The following RNF103 variants were observed in gnomAD, a reference collection of about 807,000 sequenced individuals.
RNF103 encodes ring finger protein 103, also known as E3 ubiquitin-protein ligase RNF103.
In RNF103, 23 loss-of-function variants were observed where a neutral mutation model predicts 66.2. That is an observed-to-expected ratio of 0.35 (90% CI 0.25 to 0.49). The LOEUF (loss-of-function observed/expected upper bound fraction) is 0.49, where lower values mean the gene tolerates loss of function less well. RNF103 is among the 20% of genes least tolerant of loss of function. The pLI is 0.98. For synonymous variants in RNF103, 297 were observed against 289.9 expected (o/e 1.02, Z -0.25); for missense variants, 730 against 814.7 (o/e 0.90, Z 1.27).
chr2:86,623,614 CG>C lies in RNF103; in HGVS notation c.-729del. The stretch of plus-strand genomic sequence containing the variant: ...TCTCAGGCGGGCGGGCACTGCGGCC[CG>C]GCCCAGGATGGGGCGTCGCGGTCTC... On this transcript the variant is annotated 5_prime_UTR_variant, in exon 1 of 4. Coordinates refer to ENST00000237455, the MANE Select transcript of RNF103 (RefSeq NM_005667.4). 9.6e-7 allele frequency: 1 copy of C among 1,046,156 alleles called. No individual in the cohort carries two copies. Among genetic ancestry groups the C allele is most frequent in the Non-Finnish European group, 1.2e-6 (1 of 863,040 alleles). 64.8% of individuals were successfully genotyped at this position (1,046,156 alleles called of 1,614,324 possible).
intron 3 of RNF103, among the ~76,000 whole-genome samples, chr2:86,611,557 A>AAAAAACAAAACATAAAC (rs1678793263): frequency 1.3e-5 from 2 of 152,216 alleles, no homozygotes; most frequent in South Asian, 4.1e-4. Flanking sequence ...AATGATGACA[A>AAAAAACAAAACATAAAC]AAAAACAAAA....
intron 2 of RNF103, 126 bp from the exon 3 acceptor site, chr2:86,612,400 A>G: frequency 1.7e-6 from 1 of 605,416 alleles, no homozygotes; most frequent in South Asian, 2.1e-5. Flanking sequence ...TGTTTACTGT[A>G]TCATCACATT....
intron 3 of RNF103, among the ~76,000 whole-genome samples, chr2:86,606,662 CAAAAAAAAAAA>C (rs200897796): frequency 3.1e-5 from 3 of 97,420 alleles, no homozygotes; most frequent in Admixed American, 2.2e-4. Context: ...AACTTCGTCT[CAAAAAAAAAAA>C]AAAAAAAAAA....
chr2:86,620,338 G>C lies in RNF103; in HGVS notation c.358C>G (p.Leu120Val). The C allele has an allele frequency of 6.2e-7, 1 of 1,601,678 alleles. No homozygotes were observed. The highest frequency in any genetic ancestry group is 8.5e-7 in the Non-Finnish European group (1 of 1,171,472). ...ATTACTGCTTTTCATACCTGAACCAGCCAGATGCCATCTTTTGTGTCTTCC... is the reference window on the plus strand; with the variant it reads ...ATTACTGCTTTTCATACCTGAACCACCCAGATGCCATCTTTTGTGTCTTCC... ...LVEDTKDGIW[L>V]VQVIANDRSP... Residue 120 changes from leucine (L) to valine (V), a missense_variant, in exon 2 of 4, where the codon CTG becomes GTG. Physicochemically the swap from Leu to Val is conservative, Grantham distance 32. Coordinates refer to ENST00000237455, the MANE Select transcript of RNF103 (RefSeq NM_005667.4).
chr2:86,621,214 T>TG (rs887170233), intron 1 of RNF103, among the ~76,000 whole-genome samples: 11 of 152,348 alleles, frequency 7.2e-5, no homozygotes, highest in African/African-American at 2.4e-4. Flanking sequence ...TGAGTCATAC[T>TG]GGGCTGTGCG....
At chr2:86,619,040 G>A (rs1253748483) in intron 2 of RNF103, among the ~76,000 whole-genome samples, 5 of 152,138 alleles carry the variant, frequency 3.3e-5, no homozygotes, top group African/African-American at 1.2e-4. Context: ...GAAAGGCCAT[G>A]GATGAACAAT....
At chr2:86,621,888 C>T (rs1679242395) in intron 1 of RNF103, among the ~76,000 whole-genome samples, 1 of 152,080 alleles carries the variant, frequency 6.6e-6, no homozygotes, top group Non-Finnish European at 1.5e-5. Context: ...CTACCAAAAC[C>T]AACAATTACT....
chr2:86,620,312 T>A lies in RNF103; in HGVS notation c.366+18A>T. Reference sequence around the variant, plus strand: ...TTTTAGGGCTCTCGAATTATCAAATTATTACTGCTTTTCATACCTGAACCA... The same window carrying A: ...TTTTAGGGCTCTCGAATTATCAAATAATTACTGCTTTTCATACCTGAACCA... On this transcript the variant is annotated intron_variant, in intron 2 of 3. Transcript: ENST00000237455. The A allele has an allele frequency of 6.3e-7, 1 of 1,579,000 alleles. No individual in the cohort carries two copies. Among genetic ancestry groups the A allele is most frequent in the Non-Finnish European group, 8.6e-7 (1 of 1,157,406 alleles).
At chr2:86,607,194 A>C (rs911646105) in intron 3 of RNF103, among the ~76,000 whole-genome samples, 1 of 152,252 alleles carries the variant, frequency 6.6e-6, no homozygotes, top group Non-Finnish European at 1.5e-5. Flanking sequence ...GCATAGTAAT[A>C]AATATCTGAC....
At chr2:86,607,973 T>C (rs146003950) in intron 3 of RNF103, among the ~76,000 whole-genome samples, 1 of 152,220 alleles carries the variant, frequency 6.6e-6, no homozygotes, top group Non-Finnish European at 1.5e-5. Context: ...TCATTCCAGA[T>C]AGAATAAGGT....
intron 3 of RNF103, among the ~76,000 whole-genome samples, chr2:86,610,329 T>C (rs1337929288): frequency 2.0e-5 from 3 of 152,236 alleles, no homozygotes; most frequent in Non-Finnish European, 4.4e-5. Context: ...AGCTTGTATG[T>C]ATCTCTTCAC....
At chr2:86,622,628 T>G (rs1573373598) in intron 1 of RNF103, 33 bp downstream of exon 1, 1 of 1,597,648 alleles carries the variant, frequency 6.3e-7, no homozygotes, top group South Asian at 1.1e-5. Flanking sequence ...CTCTCCCAGG[T>G]GGAGGGGACC....
chr2:86,617,498 A>G (rs1432106955), intron 2 of RNF103: 1 of 446,312 alleles, frequency 2.2e-6, no homozygotes, highest in Non-Finnish European at 3.0e-6. Context: ...CCTAACTTAC[A>G]CATTAAACTT....
intron 2 of RNF103, among the ~76,000 whole-genome samples, chr2:86,619,370 A>G (rs1679139810): frequency 6.6e-6 from 1 of 152,202 alleles, no homozygotes; most frequent in African/African-American, 2.4e-5. Flanking sequence ...AAATGATAAG[A>G]GTACCAGTCA....
At chr2:86,616,049 A>G (rs913257061) in intron 2 of RNF103, among the ~76,000 whole-genome samples, 6 of 152,236 alleles carry the variant, frequency 3.9e-5, no homozygotes, top group Non-Finnish European at 4.4e-5. Flanking sequence ...ACCTGTACCA[A>G]GATGTTTTCT....
At chr2:86,612,124 G>A (rs373937125) in intron 3 of RNF103, 35 bp downstream of exon 3, 1 of 1,371,752 alleles carries the variant, frequency 7.3e-7, no homozygotes, top group African/African-American at 1.4e-5. Flanking sequence ...ATCCTGGTCA[G>A]GACTCAAATT....
intron 2 of RNF103, chr2:86,616,942 A>G (rs554818252): frequency 1.0e-4 from 101 of 985,320 alleles, no homozygotes; most frequent in Non-Finnish European, 1.2e-4. Flanking sequence ...AAAAGTAACC[A>G]TCTTCTATTT....
intron 2 of RNF103, among the ~76,000 whole-genome samples, chr2:86,616,249 G>T (rs1457832369): frequency 6.6e-6 from 1 of 152,112 alleles, no homozygotes; most frequent in Non-Finnish European, 1.5e-5. Context: ...ACGACATCCA[G>T]GTTTAGTTAA....
At chr2:86,609,452 T>C (rs1359869021) in intron 3 of RNF103, among the ~76,000 whole-genome samples, 3 of 148,198 alleles carry the variant, frequency 2.0e-5, no homozygotes, top group Non-Finnish European at 4.4e-5. Flanking sequence ...AGTGGTGCAA[T>C]CTCGGCTCAC....
Sources: allele counts gnomAD v4.1 joint callset (sites outside exome capture counted in the v4.1 genomes callset), GRCh38; gene constraint gnomAD v4.1.1; transcripts MANE v1.5; gene names NCBI Gene and HGNC (gene_info 2026-07-23, HGNC 2026-07-21).